TARBP2: variants seen among roughly 807,000 people sequenced by gnomAD.
TARBP2 encodes the protein TARBP2 subunit of RISC loading complex.
Under a neutral mutation model 40.4 loss-of-function variants are expected in TARBP2, and 23 were observed. The observed-to-expected ratio is 0.57, with a 90% confidence interval of 0.41 to 0.81. The LOEUF (loss-of-function observed/expected upper bound fraction) is 0.81. Ranked by LOEUF, TARBP2 falls within the 30% of genes least tolerant of loss-of-function variation. The probability of loss-of-function intolerance (pLI) is 0.00; values close to 1 mark genes in which losing one functional copy is unlikely to be tolerated. For missense variants in TARBP2, 358 were observed against 473.7 expected, an observed-to-expected ratio of 0.76 and a Z score of 2.27; for synonymous variants, 183 against 190.5, an observed-to-expected ratio of 0.96 and a Z score of 0.32.
At position 53,503,092 on chromosome 12, in the gene TARBP2, G is replaced by A. The variant is rs1296633887; in HGVS notation, c.289G>A (p.Gly97Arg). Residue 97 changes from glycine (G) to arginine (R), a missense_variant, in exon 3 of 9, where the codon GGG becomes AGG. Physicochemically the swap from Gly to Arg is moderately radical, Grantham distance 125 (BLOSUM62 -2). Coordinates refer to ENST00000266987, the MANE Select transcript of TARBP2 (RefSeq NM_134323.2). ...TGAGGTGGCCCTCAAACACCTCAAA[G>A]GGGGGAGCATGCTGGAGCCGGCCCT... ...AAEVALKHLKGGSMLEPALED... is the reference protein window; with the variant it reads ...AAEVALKHLKRGSMLEPALED... 49 of 1,550,620 alleles carry A rather than the reference G, an allele frequency of 3.2e-5. No individual in the cohort carries two copies. Among genetic ancestry groups the A allele is most frequent in the Admixed American group, 3.9e-5 (2 of 50,944 alleles).
At position 53,505,987 on chromosome 12, in the gene TARBP2, C is replaced by G. The variant is rs1265529199; in HGVS notation, c.944-4C>G. 6.2e-7 allele frequency: 1 copy of G among 1,613,704 alleles called. No homozygotes were observed. The highest frequency in any genetic ancestry group is 1.1e-5 in the South Asian group (1 of 91,042). On this transcript the variant is annotated splice_polypyrimidine_tract_variant and splice_region_variant and intron_variant, in intron 8 of 8. Coordinates refer to ENST00000266987, the MANE Select transcript of TARBP2 (RefSeq NM_134323.2). This position sits in a 1 kb window ranked among gnomAD's most constrained non-coding sequence, Gnocchi z 4.5. ...TTGCCTCCCTCCTCTCTCTTGCTCT[C>G]CAGAGGAGCTGAGCCTGAGTGGACT...
Position 53,505,749 on chromosome 12 carries a change from G to T in TARBP2, c.842G>T (p.Ser281Ile), listed in dbSNP as rs1331015937. The T allele has an allele frequency of 1.9e-6, 3 of 1,613,958 alleles. No individual in the cohort carries two copies. In the African/African-American group the frequency reaches 4.0e-5, roughly 22 times the overall value. Residue 281 changes from serine to isoleucine, a missense_variant, in exon 8 of 9, where the codon AGT becomes ATT. This residue lies in a region of TARBP2 where 317 missense variants were observed against 422.9 expected (regional missense o/e 0.75). Coordinates refer to ENST00000266987, the MANE Select transcript of TARBP2 (RefSeq NM_134323.2). This position sits in a 1 kb window ranked among gnomAD's most constrained non-coding sequence, Gnocchi z 4.5. ...GGAGAGAAGATCCTGTCCCTCCGCA[G>T]TTGCTCCCTGGGCTCCCTGGGTGCC... ...SVGEKILSLR[S>I]CSLGSLGALG...
chr12:53,501,903 G>A (rs1398016979), intron 1 of TARBP2, 112 bp from the exon 2 acceptor site: 1 of 1,483,770 alleles, frequency 6.7e-7, no homozygotes, highest in East Asian at 2.3e-5. Flanking sequence ...GACTGTCTGG[G>A]GTTCCTTGGA....
Position 53,501,370 on chromosome 12 carries a change from G to T in TARBP2, c.-39G>T. On this transcript the variant is annotated 5_prime_UTR_variant, in exon 1 of 9. Coordinates refer to ENST00000266987, the MANE Select transcript of TARBP2 (RefSeq NM_134323.2). ...CGGCTGTGTATTGGGGCGCGTGGAGGCTGCAGTCACGGTGGCGCCCGCGGG... is the reference window on the plus strand; with the variant it reads ...CGGCTGTGTATTGGGGCGCGTGGAGTCTGCAGTCACGGTGGCGCCCGCGGG... 1 of 1,553,016 alleles carries T rather than the reference G, an allele frequency of 6.4e-7. No individual in the cohort carries two copies. Among genetic ancestry groups the T allele is most frequent in the Non-Finnish European group, 8.7e-7 (1 of 1,147,862 alleles).
At chr12:53,501,753 C>T in intron 1 of TARBP2, 11 of 1,412,252 alleles carry the variant, frequency 7.8e-6, no homozygotes, top group Non-Finnish European at 1.0e-5. Context: ...GGGGTATGCA[C>T]TTTCAACCTG....
rs756569872 is a variant in TARBP2 at position 53,506,187 on chromosome 12, C to T, written c.*39C>T. On this transcript the variant is annotated 3_prime_UTR_variant, in exon 9 of 9. Coordinates refer to ENST00000266987, the MANE Select transcript of TARBP2 (RefSeq NM_134323.2). ...CTCATGGATGTGCACCCTTTGCTCC[C>T]TGCTCTTTCTGCCTCTGGGCTCATG... 20 of 1,597,430 alleles carry T rather than the reference C, an allele frequency of 1.3e-5. No homozygotes were observed. Among genetic ancestry groups the T allele is most frequent in the Non-Finnish European group, 5.1e-6 (6 of 1,170,054 alleles).
chr12:53,501,210 A>T, upstream of TARBP2: 1 of 597,208 alleles, frequency 1.7e-6, no homozygotes, highest in Non-Finnish European at 2.9e-6. Context: ...ACGCACGCAG[A>T]GGGTTGTGGG....
intron 4 of TARBP2, 66 bp downstream of exon 4, chr12:53,503,874 C>G (rs1353250384): frequency 5.7e-6 from 7 of 1,221,794 alleles, no homozygotes; most frequent in Non-Finnish European, 8.5e-6. Flanking sequence ...GTCCCTCAGT[C>G]CTTGGACCCA....
In TARBP2 at chr12:53,501,371, C is replaced by T. The variant is rs948901939; in HGVS notation, c.-38C>T. On this transcript the variant is annotated 5_prime_UTR_variant, in exon 1 of 9. Coordinates refer to ENST00000266987, the MANE Select transcript of TARBP2 (RefSeq NM_134323.2). ...GGCTGTGTATTGGGGCGCGTGGAGG[C>T]TGCAGTCACGGTGGCGCCCGCGGGG... 5 of 1,553,040 alleles carry T rather than the reference C, an allele frequency of 3.2e-6. No individual in the cohort carries two copies. Among genetic ancestry groups the T allele is most frequent in the Non-Finnish European group, 4.4e-6 (5 of 1,147,860 alleles).
In TARBP2 at chr12:53,501,500, G is replaced by T. The variant is rs559790740; in HGVS notation, c.53+39G>T. The T allele has an allele frequency of 1.8e-5, 28 of 1,553,550 alleles. No homozygotes were observed. In the African/African-American group the frequency reaches 3.0e-4, roughly 17 times the overall value. On this transcript the variant is annotated intron_variant, in intron 1 of 8. Transcript: ENST00000266987. ...TACCGATTCCTTCAGGGCGAAAAGC[G>T]TGGGGCCGTGCGGAGGGAGTAGCGG...
At chr12:53,501,072 C>T (rs1057326525), upstream of TARBP2, 1 of 364,874 alleles carries the variant, frequency 2.7e-6, no homozygotes, top group Non-Finnish European at 5.1e-6. Flanking sequence ...CTTCACGGAC[C>T]GGGAGAGAGG....
chr12:53,503,706 C>T lies in TARBP2; in HGVS notation c.327-7C>T, dbSNP rs754201975. On this transcript the variant is annotated splice_polypyrimidine_tract_variant and splice_region_variant and intron_variant, in intron 3 of 8. Transcript: ENST00000266987. ...TGTGAATCAAAGGCCCCCTTCCCCT[C>T]GGGAAGTTCTTTTTCTCCCCTAGAC... The T allele has an allele frequency of 1.1e-5, 18 of 1,610,712 alleles. No homozygotes were observed. The highest frequency in any genetic ancestry group is 1.6e-4 in the Middle Eastern group (1 of 6,080).
chr12:53,501,812 A>C, intron 1 of TARBP2: 1 of 1,321,532 alleles, frequency 7.6e-7, no homozygotes, highest in Non-Finnish European at 1.0e-6. Context: ...GGAGCAATGC[A>C]TTCTTCCCCC....
chr12:53,503,068 G>A lies in TARBP2; in HGVS notation c.265G>A (p.Glu89Lys). 1.3e-6 allele frequency: 2 copies of A among 1,551,210 alleles called. No individual in the cohort carries two copies. Among genetic ancestry groups the A allele is most frequent in the Non-Finnish European group, 1.7e-6 (2 of 1,146,754 alleles). ...SKKAAKHKAAEVALKHLKGGS... is the reference protein window; with the variant it reads ...SKKAAKHKAAKVALKHLKGGS... ...GAAGGCAGCCAAGCACAAGGCAGCT[G>A]AGGTGGCCCTCAAACACCTCAAAGG... Residue 89 changes from glutamate (E) to lysine (K), a missense_variant, in exon 3 of 9, where the codon GAG becomes AAG. By Grantham distance (56) the Glu-to-Lys change is moderately conservative (BLOSUM62 1). Transcript: ENST00000266987.
intron 3 of TARBP2, 34 bp from the exon 4 acceptor site, chr12:53,503,679 G>A: frequency 6.7e-7 from 1 of 1,498,446 alleles, no homozygotes; most frequent in Non-Finnish European, 9.3e-7. Context: ...CCTATACATG[G>A]GTGTGAATCA....
chr12:53,501,116 A>G (rs995735188), upstream of TARBP2: 8 of 510,994 alleles, frequency 1.6e-5, no homozygotes, highest in African/African-American at 3.9e-5. Flanking sequence ...ACGGTATTAC[A>G]AACAAAAAAA....
chr12:53,505,608 A>G lies in TARBP2; in HGVS notation c.742-41A>G. On this transcript the variant is annotated intron_variant, in intron 7 of 8. Transcript: ENST00000266987. The surrounding 1 kb of genome is among the most constrained non-coding windows in gnomAD (Gnocchi z 4.5). ...GAATGTCTCAATGCCTGGGTCCCAC[A>G]GTCTCTCGCTTCATCTTTCTCACTG... The G allele has an allele frequency of 6.3e-7, 1 of 1,574,998 alleles. No individual in the cohort carries two copies. The highest frequency in any genetic ancestry group is 1.1e-5 in the South Asian group (1 of 90,324).
chr12:53,502,352 G>T (rs1409374070), intron 2 of TARBP2, 168 bp downstream of exon 2: 8 of 919,304 alleles, frequency 8.7e-6, no homozygotes, highest in Non-Finnish European at 1.3e-5. Flanking sequence ...CTGTAAGAAG[G>T]TGGGTAGGAC....
intron 3 of TARBP2, 104 bp downstream of exon 3, chr12:53,503,233 C>T: frequency 7.0e-7 from 1 of 1,430,936 alleles, no homozygotes; most frequent in African/African-American, 1.4e-5. Flanking sequence ...GCCACCCTGA[C>T]CTGGCCTCTT....
Sources: gnomAD v4.1 joint callset for allele counts on GRCh38, gnomAD v4.1.1 for gene constraint, gnomAD v4.1.1 regional missense constraint, Gnocchi (gnomAD v3.1) non-coding constraint, MANE v1.5 for transcripts, NCBI Gene and HGNC (gene_info 2026-07-23, HGNC 2026-07-21) for gene names.